TMEM108: variants seen among roughly 807,000 people sequenced by gnomAD.
TMEM108 encodes cancer/testis antigen 124.
In TMEM108, 12 loss-of-function variants were observed where a neutral mutation model predicts 35.1. That is an observed-to-expected ratio of 0.34 (90% CI 0.22 to 0.55). TMEM108 has a LOEUF of 0.55. Among genes scored for constraint, TMEM108 ranks in the 20% least tolerant of loss-of-function variants. The pLI is 0.89. For synonymous variants in TMEM108, 287 were observed against 308.6 expected (o/e 0.93, Z 0.73); for missense variants, 680 against 753.3 (o/e 0.90, Z 1.14).
intron 2 of TMEM108, among the ~76,000 whole-genome samples, chr3:133,224,690 C>A (rs1946042537): frequency 6.6e-6 from 1 of 152,118 alleles, no homozygotes; most frequent in Non-Finnish European, 1.5e-5. Flanking sequence ...TGTGAGTCCT[C>A]CCCAGCCGTG....
chr3:133,155,317 A>G (rs1202797643), intron 2 of TMEM108, among the ~76,000 whole-genome samples: 1 of 152,184 alleles, frequency 6.6e-6, no homozygotes, highest in Non-Finnish European at 1.5e-5. Context: ...GCTGCAATAA[A>G]CATAATGTGT....
intron 3 of TMEM108, among the ~76,000 whole-genome samples, chr3:133,264,333 A>G (rs1046010064): frequency 1.3e-5 from 2 of 152,088 alleles, no homozygotes; most frequent in Non-Finnish European, 2.9e-5. Context: ...GAAGAAAGCT[A>G]TCTATCATGC....
At chr3:133,134,082 G>A (rs925623701) in intron 2 of TMEM108, among the ~76,000 whole-genome samples, 4 of 151,678 alleles carry the variant, frequency 2.6e-5, no homozygotes, top group Non-Finnish European at 5.9e-5. Flanking sequence ...CTTTTTTAAA[G>A]CTGAATACTA....
chr3:133,181,808 A>G (rs1324623703), intron 2 of TMEM108, among the ~76,000 whole-genome samples: 1 of 152,230 alleles, frequency 6.6e-6, no homozygotes, highest in Non-Finnish European at 1.5e-5. Flanking sequence ...CAGCTAGTCA[A>G]CTGAAAGTAG....
chr3:133,096,908 A>G (rs1203226649), intron 2 of TMEM108, among the ~76,000 whole-genome samples: 1 of 152,248 alleles, frequency 6.6e-6, no homozygotes, highest in South Asian at 2.1e-4. Context: ...TAACTTGAGC[A>G]GTTGGCCCCA....
At chr3:133,066,167 A>C (rs910335037) in intron 2 of TMEM108, among the ~76,000 whole-genome samples, 42 of 152,158 alleles carry the variant, frequency 2.8e-4, no homozygotes, top group African/African-American at 9.6e-4. Flanking sequence ...TCTATAGTAA[A>C]GACTTTCTTG....
intron 4 of TMEM108, chr3:133,389,073 TCCTC>T: frequency 1.0e-6 from 1 of 985,472 alleles, no homozygotes; most frequent in Non-Finnish European, 1.2e-6. Flanking sequence ...ATATACTCAG[TCCTC>T]ACTTCATGGC....
chr3:133,370,239 C>T (rs2072619367), intron 3 of TMEM108, among the ~76,000 whole-genome samples: 1 of 151,200 alleles, frequency 6.6e-6, no homozygotes, highest in South Asian at 2.1e-4. Context: ...CCCTTACACT[C>T]CCCTTGGCTG....
intron 4 of TMEM108, chr3:133,387,955 A>C: frequency 1.0e-6 from 1 of 985,420 alleles, no homozygotes; most frequent in Non-Finnish European, 1.2e-6. Context: ...GAGGCGTGCA[A>C]ACTATACAAA....
intron 2 of TMEM108, among the ~76,000 whole-genome samples, chr3:133,216,754 C>A (rs796660818): frequency 7.2e-5 from 11 of 152,166 alleles, no homozygotes; most frequent in African/African-American, 2.6e-4. Context: ...TTACAAATGA[C>A]AGGAATTGCT....
intron 3 of TMEM108, among the ~76,000 whole-genome samples, chr3:133,296,470 T>C (rs1308525932): frequency 1.3e-5 from 2 of 151,810 alleles, no homozygotes; most frequent in African/African-American, 4.8e-5. Flanking sequence ...ACCCGAAATA[T>C]CAACTAGCCA....
intron 3 of TMEM108, among the ~76,000 whole-genome samples, chr3:133,282,347 G>T (rs901168132): frequency 2.6e-5 from 4 of 152,120 alleles, no homozygotes; most frequent in African/African-American, 4.8e-5. Flanking sequence ...GCTTTACAAG[G>T]CTCTCCTTCC....
rs1465925888 is a variant in TMEM108, at chr3:133,107,494, G to GTA, written c.-47+61475_-47+61476insAT. Among the ~76,000 whole-genome samples the GTA allele has an allele frequency of 5.5e-5, 8 of 144,928 alleles. 1 individual carries two copies. The South Asian group carries it at 1.8e-3, about 32-fold the overall frequency. On this transcript the variant is annotated intron_variant, in intron 2 of 5. Coordinates refer to ENST00000321871, the MANE Select transcript of TMEM108 (RefSeq NM_023943.4). ...TGTGTGTGTGTGTGTGTGTGTGTGTGTGTATAAAATGATTACATTTCAGCC... is the reference window on the plus strand; with the variant it reads ...TGTGTGTGTGTGTGTGTGTGTGTGTGTATGTATAAAATGATTACATTTCAGCC...
intron 3 of TMEM108, among the ~76,000 whole-genome samples, chr3:133,238,821 C>G (rs764298912): frequency 6.6e-6 from 1 of 152,100 alleles, no homozygotes; most frequent in African/African-American, 2.4e-5. Context: ...AATTTTGACT[C>G]CAAAAATACG....
At position 133,225,472 on chromosome 3, in the gene TMEM108, C is replaced by G. The variant is rs191546869; in HGVS notation, c.-46-3794C>G. ...CATTGAGCTGTTGTACCCCCCTCCCCCAAAGAAGAACACTTCCCAGCCCCT... is the reference window on the plus strand; with the variant it reads ...CATTGAGCTGTTGTACCCCCCTCCCGCAAAGAAGAACACTTCCCAGCCCCT... On this transcript the variant is annotated intron_variant, in intron 2 of 5. Coordinates refer to ENST00000321871, the MANE Select transcript of TMEM108 (RefSeq NM_023943.4). 4.2e-3 allele frequency among the ~76,000 whole-genome samples: 634 copies of G among 152,220 alleles called. 3 individuals carry two copies. Among genetic ancestry groups the G allele is most frequent in the Middle Eastern group, 0.017 (5 of 294 alleles).
chr3:133,298,819 C>T (rs55929614), intron 3 of TMEM108, among the ~76,000 whole-genome samples: 48,794 of 151,970 alleles, frequency 0.32, 8,580 homozygotes, highest in East Asian at 0.48. Flanking sequence ...TTTTATTTAA[C>T]CACCTTTCTA....
At chr3:133,395,248 C>T (rs906068103) in intron 5 of TMEM108, among the ~76,000 whole-genome samples, 4 of 152,188 alleles carry the variant, frequency 2.6e-5, no homozygotes, top group Middle Eastern at 3.2e-3. Context: ...CCATTCAGCT[C>T]AGCATCACTA....
At position 133,380,913 on chromosome 3, in the gene TMEM108, A is replaced by G. The variant is rs1284623434; in HGVS notation, c.1202A>G (p.Lys401Arg). 8 of 1,614,060 alleles carry G rather than the reference A, an allele frequency of 5.0e-6. No individual in the cohort carries two copies. The highest frequency in any genetic ancestry group is 2.2e-5 in the East Asian group (1 of 44,894). ...TCAGAAAGCACTATTTCTGGAGCCAAGGAGGAGACTGTGGCCACCCTCACC... is the reference window on the plus strand; with the variant it reads ...TCAGAAAGCACTATTTCTGGAGCCAGGGAGGAGACTGTGGCCACCCTCACC... ...RVSESTISGA[K>R]EETVATLTMT... is the part of the protein sequence containing the mutation. Residue 401 changes from lysine (K) to arginine (R), a missense_variant, in exon 4 of 6, where the codon AAG becomes AGG. By Grantham distance (26) the Lys-to-Arg change is conservative (BLOSUM62 2). Around this residue, in one of 3 missense-constraint regions of TMEM108, gnomAD observed 526 missense variants for 532.1 expected, o/e 0.99. Coordinates refer to ENST00000321871, the MANE Select transcript of TMEM108 (RefSeq NM_023943.4). This position sits in a 1 kb window ranked among gnomAD's most constrained non-coding sequence, Gnocchi z 5.3.
chr3:133,198,241 T>A (rs1316487941), intron 2 of TMEM108, among the ~76,000 whole-genome samples: 3 of 152,200 alleles, frequency 2.0e-5, no homozygotes, highest in African/African-American at 7.2e-5. Context: ...CACCCTAGGA[T>A]TATGTGGATT....
Sources: allele counts gnomAD v4.1 joint callset (sites outside exome capture counted in the v4.1 genomes callset), GRCh38; gene constraint gnomAD v4.1.1; regional missense constraint gnomAD v4.1.1; non-coding constraint Gnocchi (gnomAD v3.1); transcripts MANE v1.5; gene names NCBI Gene and HGNC (gene_info 2026-07-23, HGNC 2026-07-21).